RCOR1: variants seen among roughly 807,000 people sequenced by gnomAD.
RCOR1 encodes REST corepressor 1.
Under a neutral mutation model 64.0 loss-of-function variants are expected in RCOR1, and 12 were observed. The ratio of observed to expected loss-of-function variants is 0.19; its 90% CI spans 0.12 to 0.30. RCOR1 has a LOEUF of 0.30. RCOR1 is among the 10% of genes least tolerant of loss of function. The pLI, the probability that RCOR1 is intolerant of heterozygous loss-of-function variation, is 1.00. For missense variants in RCOR1, 502 were observed against 621.2 expected, an observed-to-expected ratio of 0.81 and a Z score of 2.04; for synonymous variants, 279 against 227.2, an observed-to-expected ratio of 1.23 and a Z score of -2.05.
rs1394524032 is a variant in RCOR1, at chr14:102,711,020, T to C, written c.858+7T>C. On this transcript the variant is annotated splice_region_variant and intron_variant, in intron 7 of 11. Coordinates refer to ENST00000262241, the MANE Select transcript of RCOR1 (RefSeq NM_015156.4). ...CAAGGAAAGCAAAAAGGAGGTATTT[T>C]TTCCCCCTAGTATTGTTTAGGCGAA... is the stretch of plus-strand genomic sequence containing the variant. 4.4e-6 allele frequency: 7 copies of C among 1,581,376 alleles called. No homozygotes were observed. Among genetic ancestry groups the C allele is most frequent in the Non-Finnish European group, 6.0e-6 (7 of 1,159,140 alleles).
At chr14:102,596,301 C>G (rs563741468) in intron 2 of RCOR1, among the ~76,000 whole-genome samples, 2 of 152,178 alleles carry the variant, frequency 1.3e-5, no homozygotes, top group South Asian at 2.1e-4. Context: ...CAGGGTTTCT[C>G]CATGTTGATC....
chr14:102,707,550 CCTAT>C (rs1194172728), intron 5 of RCOR1, 38 bp downstream of exon 5: 28 of 1,503,264 alleles, frequency 1.9e-5, no homozygotes, highest in African/African-American at 8.5e-5. Flanking sequence ...TTTTTTTTCT[CCTAT>C]CTAACTCTCT....
intron 6 of RCOR1, among the ~76,000 whole-genome samples, chr14:102,710,231 A>G (rs1895931564): frequency 6.6e-6 from 1 of 152,204 alleles, no homozygotes. Context: ...GAGGTGGGCA[A>G]ACTGGGGCAG....
chr14:102,706,135 A>AAAAAAAACCT (rs1895852438), intron 4 of RCOR1, among the ~76,000 whole-genome samples: 4 of 150,040 alleles, frequency 2.7e-5, no homozygotes, highest in Admixed American at 2.7e-4. Flanking sequence ...AAAAAAAAAA[A>AAAAAAAACCT]AAAAAAACCT....
At chr14:102,614,594 TTAAC>T (rs1343412675) in intron 2 of RCOR1, among the ~76,000 whole-genome samples, 2 of 152,276 alleles carry the variant, frequency 1.3e-5, no homozygotes, top group Admixed American at 6.5e-5. Context: ...TGTCAGATGA[TTAAC>T]TATCATTTTG....
chr14:102,655,322 T>A lies in RCOR1; in HGVS notation c.362-26573T>A, dbSNP rs971995371. On this transcript the variant is annotated intron_variant, in intron 2 of 11. Coordinates refer to ENST00000262241, the MANE Select transcript of RCOR1 (RefSeq NM_015156.4). ...TTCTGTTTAAATACTGGAGAATATCTGACCTGTTGTACTTTACTTTAGAAT... is the reference window on the plus strand; with the variant it reads ...TTCTGTTTAAATACTGGAGAATATCAGACCTGTTGTACTTTACTTTAGAAT... 1.9e-5 allele frequency: 19 copies of A among 984,998 alleles called. No homozygotes were observed. The African/African-American group carries it at 3.1e-4, about 16-fold the overall frequency. The allele number at this position is 984,998 out of a possible 1,614,324, so 61.0% of individuals were successfully genotyped here.
chr14:102,662,354 A>G (rs895078187), intron 2 of RCOR1: 18 of 566,940 alleles, frequency 3.2e-5, no homozygotes, highest in Admixed American at 1.1e-4. Context: ...GGCCACATCA[A>G]TGTCATAGAG....
At chr14:102,622,404 C>G (rs1893893272) in intron 2 of RCOR1, among the ~76,000 whole-genome samples, 1 of 152,166 alleles carries the variant, frequency 6.6e-6, no homozygotes, top group Non-Finnish European at 1.5e-5. Flanking sequence ...ACAGCTTCCC[C>G]ATCACTGTCT....
At chr14:102,676,962 C>T (rs1895182492) in intron 2 of RCOR1, among the ~76,000 whole-genome samples, 1 of 107,982 alleles carries the variant, frequency 9.3e-6, no homozygotes, top group Non-Finnish European at 1.9e-5. Context: ...GGGCTCCTCA[C>T]TTCCCAGTAG....
At chr14:102,716,994 A>G (rs1170632127) in intron 8 of RCOR1, among the ~76,000 whole-genome samples, 8 of 152,250 alleles carry the variant, frequency 5.3e-5, no homozygotes, top group South Asian at 2.1e-4. Context: ...ATTTCTCTCA[A>G]TGTTGTATTG....
chr14:102,725,583 T>C (rs1248017183), intron 11 of RCOR1, among the ~76,000 whole-genome samples: 2 of 152,146 alleles, frequency 1.3e-5, no homozygotes, highest in Non-Finnish European at 2.9e-5. Flanking sequence ...TTTGTTCATT[T>C]GTGTTTTTGA....
intron 2 of RCOR1, among the ~76,000 whole-genome samples, chr14:102,680,368 A>G (rs1006580501): frequency 1.3e-5 from 2 of 151,968 alleles, no homozygotes; most frequent in Non-Finnish European, 2.9e-5. Context: ...TTTACTTTAG[A>G]CTTTTATTGG....
intron 2 of RCOR1, among the ~76,000 whole-genome samples, chr14:102,652,899 T>C (rs1039728715): frequency 1.3e-5 from 2 of 152,220 alleles, no homozygotes; most frequent in Non-Finnish European, 2.9e-5. Context: ...TGTTGAATTT[T>C]ATAGTGTTAC....
At chr14:102,625,835 G>A (rs998009328) in intron 2 of RCOR1, among the ~76,000 whole-genome samples, 8 of 152,038 alleles carry the variant, frequency 5.3e-5, no homozygotes, top group African/African-American at 1.9e-4. Flanking sequence ...TCTTATTTCA[G>A]TATGCCTAAT....
intron 11 of RCOR1, among the ~76,000 whole-genome samples, chr14:102,725,066 A>G (rs552684916): frequency 3.3e-5 from 5 of 152,348 alleles, no homozygotes; most frequent in African/African-American, 1.2e-4. Context: ...TTTGAAATTC[A>G]TAGTTATTTG....
At chr14:102,617,939 G>A (rs1012879393) in intron 2 of RCOR1, among the ~76,000 whole-genome samples, 1 of 149,162 alleles carries the variant, frequency 6.7e-6, no homozygotes, top group Non-Finnish European at 1.5e-5. Flanking sequence ...TCTTTTATGG[G>A]ATACTACACT....
At chr14:102,615,841 T>C (rs528624518) in intron 2 of RCOR1, among the ~76,000 whole-genome samples, 2 of 152,366 alleles carry the variant, frequency 1.3e-5, no homozygotes, top group Admixed American at 1.3e-4. Flanking sequence ...CTTGGGTTTC[T>C]ACCACTACAC....
chr14:102,692,841 T>C (rs955667307), intron 3 of RCOR1, among the ~76,000 whole-genome samples: 4 of 147,434 alleles, frequency 2.7e-5, no homozygotes, highest in Admixed American at 6.8e-5. Context: ...TCTCAGCCCA[T>C]TGCAACCTCC....
At chr14:102,646,625 C>CT (rs1483000013) in intron 2 of RCOR1, among the ~76,000 whole-genome samples, 2 of 152,156 alleles carry the variant, frequency 1.3e-5, no homozygotes, top group African/African-American at 4.8e-5. Flanking sequence ...TGATTGGCTT[C>CT]TTGACTGAAA....
Sources: allele counts gnomAD v4.1 joint callset (sites outside exome capture counted in the v4.1 genomes callset), GRCh38; gene constraint gnomAD v4.1.1; transcripts MANE v1.5; gene names NCBI Gene and HGNC (gene_info 2026-07-23, HGNC 2026-07-21).